Variants in MGST1 observed in about 807,000 individuals in gnomAD.
MGST1 encodes the protein microsomal glutathione S-transferase 1.
Under a neutral mutation model 8.9 loss-of-function variants are expected in MGST1, and 5 were observed. That is an observed-to-expected ratio of 0.56 (90% CI 0.29 to 1.19). The LOEUF is 1.19. Among genes scored for constraint, MGST1 ranks in the 50% most tolerant of loss-of-function variants. The probability of loss-of-function intolerance (pLI) is 0.08; values close to 1 mark genes in which losing one functional copy is unlikely to be tolerated. For missense variants in MGST1, 182 were observed against 187.4 expected (o/e 0.97, Z 0.17); for synonymous variants, 54 against 67.8 (o/e 0.80, Z 1.00).
At chr12:16,467,186 G>T (rs184297194) in intron 4 of MGST1, among the ~76,000 whole-genome samples, 120 of 152,342 alleles carry the variant, frequency 7.9e-4, no homozygotes, top group Non-Finnish European at 1.5e-3. Flanking sequence ...CTGCGTGAAA[G>T]ATGCATTGCA....
chr12:16,368,534 ACATT>A (rs886991246), downstream of MGST1, among the ~76,000 whole-genome samples: 4 of 152,150 alleles, frequency 2.6e-5, no homozygotes, highest in Admixed American at 1.3e-4. Context: ...CGGCACCTCT[ACATT>A]CATACCTTTC....
At chr12:16,394,877 G>A (rs571136524) in intron 1 of MGST1, among the ~76,000 whole-genome samples, 1 of 152,128 alleles carries the variant, frequency 6.6e-6, no homozygotes, top group Admixed American at 6.5e-5. Flanking sequence ...GATTACAGGT[G>A]TGAACAACTG....
intron 1 of MGST1, among the ~76,000 whole-genome samples, chr12:16,433,332 C>T (rs532346254): frequency 4.6e-5 from 7 of 152,182 alleles, no homozygotes; most frequent in Admixed American, 3.3e-4. Context: ...CCTTTGGCAA[C>T]ACCCTCACAG....
chr12:16,458,437 G>T lies in MGST1; in HGVS notation n.482+74833G>T, dbSNP rs954555055. Among the ~76,000 whole-genome samples the T allele has an allele frequency of 6.6e-6, 1 of 151,990 alleles. No individual in the cohort carries two copies. Among genetic ancestry groups the T allele is most frequent in the African/African-American group, 2.4e-5 (1 of 41,428 alleles). ...TCTCCAAACTAAATTGTACTCTGAA[G>T]CCCTTGCTGGATTCCTGCAAGAATC... On this transcript the variant is annotated intron_variant and non_coding_transcript_variant, in intron 4 of 4. Transcript: ENST00000538857. The surrounding 1 kb of genome is among the most constrained non-coding windows in gnomAD (Gnocchi z 4.0).
rs895839093 is a variant in MGST1, at chr12:16,576,962, A to G, written n.483-12566A>G. On this transcript the variant is annotated intron_variant and non_coding_transcript_variant, in intron 4 of 4. Transcript: ENST00000538857. This position sits in a 1 kb window ranked among gnomAD's most constrained non-coding sequence, Gnocchi z 4.1. The stretch of plus-strand genomic sequence containing the variant: ...GAAATAACCCAATAAGGGCAAAGCT[A>G]TATGAGTAAAACTACACTGGAAGCT... Among the ~76,000 whole-genome samples the G allele has an allele frequency of 1.3e-5, 2 of 152,254 alleles. No individual in the cohort carries two copies. The highest frequency in any genetic ancestry group is 1.3e-4 in the Admixed American group (2 of 15,282).
At chr12:16,477,817 A>G (rs1941334059) in intron 4 of MGST1, among the ~76,000 whole-genome samples, 1 of 152,166 alleles carries the variant, frequency 6.6e-6, no homozygotes, top group African/African-American at 2.4e-5. Flanking sequence ...ATTGTCTCAG[A>G]GGTGGAAGCC....
chr12:16,480,343 A>G (rs1408443374), intron 4 of MGST1, among the ~76,000 whole-genome samples: 1 of 151,788 alleles, frequency 6.6e-6, no homozygotes, highest in Non-Finnish European at 1.5e-5. Context: ...GGGTTTCACC[A>G]TGTTGGCCAG....
At chr12:16,501,360 TG>T (rs1381800425) in intron 4 of MGST1, among the ~76,000 whole-genome samples, 3 of 152,212 alleles carry the variant, frequency 2.0e-5, no homozygotes, top group African/African-American at 7.2e-5. Flanking sequence ...ACCTCACAAC[TG>T]TATCTGAACA....
At chr12:16,465,558 G>T (rs1941248028) in intron 4 of MGST1, among the ~76,000 whole-genome samples, 1 of 152,108 alleles carries the variant, frequency 6.6e-6, no homozygotes, top group South Asian at 2.1e-4. Flanking sequence ...ATTGTAAACT[G>T]CACGTGACGG....
chr12:16,469,823 TA>T (rs1355312785), intron 4 of MGST1, among the ~76,000 whole-genome samples: 1 of 152,200 alleles, frequency 6.6e-6, no homozygotes, highest in Non-Finnish European at 1.5e-5. Flanking sequence ...TGCAAAGAAC[TA>T]AAAATGAAGT....
chr12:16,360,987 C>G (rs1171540905), intron 3 of MGST1, among the ~76,000 whole-genome samples: 3 of 151,560 alleles, frequency 2.0e-5, no homozygotes, highest in Non-Finnish European at 4.4e-5. Context: ...TGTTCCCCCC[C>G]TCCCCGCCCC....
chr12:16,429,318 T>C (rs1940919654), intron 1 of MGST1, among the ~76,000 whole-genome samples: 1 of 152,148 alleles, frequency 6.6e-6, no homozygotes, highest in Admixed American at 6.6e-5. Flanking sequence ...CTACTTATTA[T>C]TTATTGGTGA....
At chr12:16,360,263 G>GT in intron 3 of MGST1, 1 of 796,168 alleles carries the variant, frequency 1.3e-6, no homozygotes, top group Non-Finnish European at 1.5e-6. Context: ...CCATTTTTAA[G>GT]TTAGACTTTT....
chr12:16,538,078 A>C (rs1445135635), intron 4 of MGST1, among the ~76,000 whole-genome samples: 1 of 152,182 alleles, frequency 6.6e-6, no homozygotes, highest in African/African-American at 2.4e-5. Context: ...TTTTATCAGC[A>C]TCCAAGTCAC....
chr12:16,462,045 T>C (rs1941225061), intron 4 of MGST1, among the ~76,000 whole-genome samples: 1 of 152,140 alleles, frequency 6.6e-6, no homozygotes, highest in African/African-American at 2.4e-5. Flanking sequence ...TGACTGAGGA[T>C]ATGGATCTGA....
chr12:16,569,440 T>C (rs1942733476), intron 4 of MGST1, among the ~76,000 whole-genome samples: 1 of 152,188 alleles, frequency 6.6e-6, no homozygotes, highest in African/African-American at 2.4e-5. Context: ...TTGCAAACAG[T>C]GTTTAAACAT....
rs1943341452 is a variant in MGST1 at position 16,586,945 on chromosome 12, A to T, written n.483-2583A>T. The stretch of plus-strand genomic sequence containing the variant: ...AATAATAGAGTCATGTGATAGCTTA[A>T]AAACACATGCTTTATCATCATTCAG... On this transcript the variant is annotated intron_variant and non_coding_transcript_variant, in intron 4 of 4. Transcript: ENST00000538857. The surrounding 1 kb of genome is among the most constrained non-coding windows in gnomAD (Gnocchi z 4.3). Among the ~76,000 whole-genome samples the T allele has an allele frequency of 6.6e-6, 1 of 152,230 alleles. No homozygotes were observed. The highest frequency in any genetic ancestry group is 2.4e-5 in the African/African-American group (1 of 41,454).
rs1169314952 is a variant in MGST1, at chr12:16,546,307, C to T, written n.483-43221C>T. Among the ~76,000 whole-genome samples, 1 of 152,052 alleles carries T rather than the reference C, an allele frequency of 6.6e-6. No individual in the cohort carries two copies. The highest frequency in any genetic ancestry group is 2.4e-5 in the African/African-American group (1 of 41,406). ...TTCCCATTTTAATTTGTACTATGGC[C>T]ACTAAATTTGGTATAGTTAATGCCA... is the stretch of plus-strand genomic sequence containing the variant. On this transcript the variant is annotated intron_variant and non_coding_transcript_variant, in intron 4 of 4. Coordinates refer to the MGST1 transcript ENST00000538857. This position sits in a 1 kb window ranked among gnomAD's most constrained non-coding sequence, Gnocchi z 4.7.
intron 4 of MGST1, among the ~76,000 whole-genome samples, chr12:16,447,205 T>C (rs747392880): frequency 2.0e-5 from 3 of 151,846 alleles, no homozygotes; most frequent in Non-Finnish European, 2.9e-5. Flanking sequence ...ATCAATAAAC[T>C]CTCCTTTATC....
Sources: allele counts gnomAD v4.1 joint callset (sites outside exome capture counted in the v4.1 genomes callset), GRCh38; gene constraint gnomAD v4.1.1; non-coding constraint Gnocchi (gnomAD v3.1); transcripts MANE v1.5; gene names NCBI Gene and HGNC (gene_info 2026-07-23, HGNC 2026-07-21).